The following PPARGC1A variants were observed in gnomAD, a reference collection of about 807,000 sequenced individuals.
PPARGC1A encodes the protein PPARG coactivator 1 alpha, also known as peroxisome proliferator-activated receptor gamma coactivator 1-alpha.
Under a neutral mutation model 88.7 loss-of-function variants are expected in PPARGC1A, and 25 were observed. The observed-to-expected ratio is 0.28, with a 90% CI of 0.21 to 0.39. PPARGC1A has a LOEUF of 0.39. Ranked by LOEUF, PPARGC1A falls within the 10% of genes least tolerant of loss-of-function variation. The pLI is 1.00. For missense variants in PPARGC1A, 880 were observed against 968.7 expected (o/e 0.91, Z 1.22); for synonymous variants, 363 against 355.6 (o/e 1.02, Z -0.24).
the PPARGC1A span, among the ~76,000 whole-genome samples, chr4:24,333,655 G>A: frequency 3.2e-4 from 48 of 151,922 alleles, no homozygotes; most frequent in African/African-American, 8.9e-4. Flanking sequence ...CACTAGTGGC[G>A]GTGTGCGGTG....
chr4:24,071,124 C>T, the PPARGC1A span, among the ~76,000 whole-genome samples: 1 of 152,200 alleles, frequency 6.6e-6, no homozygotes, highest in Non-Finnish European at 1.5e-5. Flanking sequence ...TCTGTTAAAG[C>T]TGGTGCCTAG....
chr4:23,813,400 T>C (rs1721312930), intron 8 of PPARGC1A, among the ~76,000 whole-genome samples: 1 of 152,174 alleles, frequency 6.6e-6, no homozygotes, highest in African/African-American at 2.4e-5. Context: ...TCCACTATCC[T>C]GGCACAGGGC....
At chr4:24,355,154 A>G in the PPARGC1A span, among the ~76,000 whole-genome samples, 1 of 152,322 alleles carries the variant, frequency 6.6e-6, no homozygotes, top group South Asian at 2.1e-4. Context: ...CAACTAACTC[A>G]GAATTCACGA....
the PPARGC1A span, among the ~76,000 whole-genome samples, chr4:23,931,506 A>C: frequency 1.3e-5 from 2 of 152,142 alleles, no homozygotes; most frequent in Non-Finnish European, 2.9e-5. Context: ...TTAAAGGAGA[A>C]TAAAGAAAGA....
the PPARGC1A span, among the ~76,000 whole-genome samples, chr4:24,178,011 C>A: frequency 4.2e-4 from 64 of 152,302 alleles, 1 homozygote; most frequent in African/African-American, 1.5e-3. Context: ...TACTATACTC[C>A]CGCCAACAGC....
the PPARGC1A span, among the ~76,000 whole-genome samples, chr4:24,210,563 C>A: frequency 6.6e-6 from 1 of 152,182 alleles, no homozygotes; most frequent in African/African-American, 2.4e-5. Context: ...GATTCACAGT[C>A]TGTGAAAACA....
At chr4:24,127,538 T>C in the PPARGC1A span, among the ~76,000 whole-genome samples, 22 of 151,660 alleles carry the variant, frequency 1.5e-4, 1 homozygote, top group Non-Finnish European at 2.4e-4. Flanking sequence ...TATATATATA[T>C]ACACACACAC....
chr4:24,203,535 A>G, the PPARGC1A span, among the ~76,000 whole-genome samples: 52 of 149,780 alleles, frequency 3.5e-4, no homozygotes, highest in African/African-American at 1.2e-3. Flanking sequence ...GTGAAGCAAA[A>G]GATAGAAAAC....
chr4:24,030,038 G>A, the PPARGC1A span, among the ~76,000 whole-genome samples: 10 of 152,176 alleles, frequency 6.6e-5, no homozygotes, highest in African/African-American at 2.4e-4. Context: ...GCCTTTACAA[G>A]TGAAGTGAAA....
chr4:24,035,713 T>C, the PPARGC1A span, among the ~76,000 whole-genome samples: 1 of 152,178 alleles, frequency 6.6e-6, no homozygotes, highest in Non-Finnish European at 1.5e-5. Flanking sequence ...AAACAACTTT[T>C]CTTTGGGAGT....
chr4:24,066,173 G>A, the PPARGC1A span, among the ~76,000 whole-genome samples: 136,314 of 151,948 alleles, frequency 0.9, 61,193 homozygotes, highest in Admixed American at 0.94. Flanking sequence ...TGGCAGAGCC[G>A]AACGAGGGAG....
chr4:24,009,405 C>T, the PPARGC1A span, among the ~76,000 whole-genome samples: 1 of 152,078 alleles, frequency 6.6e-6, no homozygotes, highest in African/African-American at 2.4e-5. Context: ...CTGATGATGG[C>T]ATGAGGGTTA....
At chr4:23,918,628 T>C in the PPARGC1A span, among the ~76,000 whole-genome samples, 2 of 152,212 alleles carry the variant, frequency 1.3e-5, no homozygotes, top group African/African-American at 4.8e-5. Context: ...TGCATATTTT[T>C]ATCTTCTAAC....
the PPARGC1A span, among the ~76,000 whole-genome samples, chr4:24,229,670 A>T: frequency 0.078 from 11,816 of 151,346 alleles, 651 homozygotes; most frequent in African/African-American, 0.15. Context: ...CTGTCTCTAC[A>T]TAAAATAAAG....
At chr4:24,457,548 T>C in the PPARGC1A span, among the ~76,000 whole-genome samples, 1 of 147,052 alleles carries the variant, frequency 6.8e-6, no homozygotes, top group East Asian at 1.9e-4. Context: ...TGTTTGTTTG[T>C]TTGTTTGTTT....
chr4:23,825,023 G>A (rs551294401), intron 5 of PPARGC1A: 1 of 159,358 alleles, frequency 6.3e-6, no homozygotes, highest in African/African-American at 2.4e-5. Context: ...GGCAAATTGT[G>A]GGCATTGATC....
chr4:24,081,952 T>G, the PPARGC1A span, among the ~76,000 whole-genome samples: 7 of 152,060 alleles, frequency 4.6e-5, no homozygotes, highest in African/African-American at 1.4e-4. Flanking sequence ...TCGATAAGGC[T>G]TCTATGAGAT....
chr4:24,112,783 T>C, the PPARGC1A span, among the ~76,000 whole-genome samples: 2 of 152,076 alleles, frequency 1.3e-5, no homozygotes, highest in African/African-American at 4.8e-5. Context: ...ATCCACAAAT[T>C]TAAATGTGCT....
At chr4:24,408,347 T>C in the PPARGC1A span, among the ~76,000 whole-genome samples, 1 of 150,842 alleles carries the variant, frequency 6.6e-6, no homozygotes, top group African/African-American at 2.5e-5. Context: ...TTCATTTTGA[T>C]ACTGCTTTGA....
Sources: allele counts gnomAD v4.1 joint callset (sites outside exome capture counted in the v4.1 genomes callset), GRCh38; gene constraint gnomAD v4.1.1; transcripts MANE v1.5; gene names NCBI Gene and HGNC (gene_info 2026-07-23, HGNC 2026-07-21).